Variants in ADAMTSL3 observed in about 807,000 individuals in gnomAD.
The protein encoded by ADAMTSL3 is ADAMTS like 3, also known as ADAMTS-like protein 3.
In ADAMTSL3, 128 loss-of-function variants were observed where a neutral mutation model predicts 201.7. The observed-to-expected ratio is 0.63, with a 90% confidence interval of 0.55 to 0.73. The LOEUF (loss-of-function observed/expected upper bound fraction) is 0.73. Among genes scored for constraint, ADAMTSL3 ranks in the 30% least tolerant of loss-of-function variants. The pLI is 0.00. For missense variants in ADAMTSL3, 1,990 were observed against 2,119.6 expected, an observed-to-expected ratio of 0.94 and a Z score of 1.20; for synonymous variants, 738 against 748.4, an observed-to-expected ratio of 0.99 and a Z score of 0.23.
chr15:83,827,108 C>T (rs183934046), intron 6 of ADAMTSL3, among the ~76,000 whole-genome samples: 2 of 152,312 alleles, frequency 1.3e-5, no homozygotes, highest in African/African-American at 2.4e-5. Context: ...AATGGTTGAA[C>T]CAGTTTACAG....
chr15:84,019,442 T>C (rs1470745228), intron 25 of ADAMTSL3, among the ~76,000 whole-genome samples: 1 of 152,160 alleles, frequency 6.6e-6, no homozygotes, highest in Non-Finnish European at 1.5e-5. Context: ...TGTTCATGAA[T>C]GTTCAACTTA....
At chr15:83,755,390 C>T (rs928011820) in intron 3 of ADAMTSL3, among the ~76,000 whole-genome samples, 2 of 152,110 alleles carry the variant, frequency 1.3e-5, no homozygotes, top group East Asian at 3.9e-4. Flanking sequence ...AAAACTGAAC[C>T]TACTGTACCC....
At chr15:83,865,375 A>G (rs1427156345) in intron 8 of ADAMTSL3, among the ~76,000 whole-genome samples, 1 of 152,216 alleles carries the variant, frequency 6.6e-6, no homozygotes, top group Non-Finnish European at 1.5e-5. Flanking sequence ...CTACAAGGCT[A>G]CAGTAACCAA....
intron 4 of ADAMTSL3, among the ~76,000 whole-genome samples, chr15:83,773,969 C>CTTGGG (rs1173686394): frequency 6.6e-6 from 1 of 152,162 alleles, no homozygotes; most frequent in East Asian, 1.9e-4. Flanking sequence ...GAGTTCTGCC[C>CTTGGG]TTGGGTTGCT....
At chr15:83,980,020 G>A (rs2067357215) in intron 20 of ADAMTSL3, among the ~76,000 whole-genome samples, 1 of 152,184 alleles carries the variant, frequency 6.6e-6, no homozygotes, top group South Asian at 2.1e-4. Context: ...ATGGGACCCA[G>A]GATACTGAGA....
chr15:83,674,155 G>A (rs1180492867), intron 2 of ADAMTSL3, among the ~76,000 whole-genome samples: 2 of 149,422 alleles, frequency 1.3e-5, no homozygotes, highest in African/African-American at 2.5e-5. Flanking sequence ...GGCTAAGAAT[G>A]CTTTGCCTAC....
chr15:83,986,948 T>C (rs1389007899), intron 21 of ADAMTSL3, among the ~76,000 whole-genome samples: 2 of 152,232 alleles, frequency 1.3e-5, no homozygotes. Flanking sequence ...CCAGGCTAGG[T>C]ACCCAGTGGC....
chr15:83,847,710 G>T (rs1224367397), intron 7 of ADAMTSL3, among the ~76,000 whole-genome samples: 2 of 151,984 alleles, frequency 1.3e-5, no homozygotes, highest in Non-Finnish European at 2.9e-5. Context: ...GGTCAGGCTG[G>T]TCTTGAACTC....
intron 3 of ADAMTSL3, among the ~76,000 whole-genome samples, chr15:83,751,683 A>G (rs558077821): frequency 2.0e-5 from 3 of 152,310 alleles, no homozygotes; most frequent in Non-Finnish European, 4.4e-5. Flanking sequence ...TAACCCTTTG[A>G]TGCAGCATCT....
At chr15:83,693,245 G>A (rs1333523416) in intron 2 of ADAMTSL3, among the ~76,000 whole-genome samples, 1 of 152,216 alleles carries the variant, frequency 6.6e-6, no homozygotes, top group East Asian at 1.9e-4. Flanking sequence ...CGGTTGCACT[G>A]GTGTTATAAG....
intron 15 of ADAMTSL3, among the ~76,000 whole-genome samples, chr15:83,909,452 T>C (rs1016510317): frequency 6.6e-6 from 1 of 152,216 alleles, no homozygotes; most frequent in African/African-American, 2.4e-5. Context: ...GTTTCATGCG[T>C]TGGAATCTCT....
chr15:83,840,913 CTCTT>C (rs1255172558), intron 7 of ADAMTSL3, among the ~76,000 whole-genome samples: 1 of 152,222 alleles, frequency 6.6e-6, no homozygotes, highest in Non-Finnish European at 1.5e-5. Context: ...GCACCTTTCT[CTCTT>C]CTTCACATCC....
chr15:83,752,589 T>G, intron 3 of ADAMTSL3, among the ~76,000 whole-genome samples: 1 of 152,210 alleles, frequency 6.6e-6, no homozygotes, highest in East Asian at 1.9e-4. Context: ...TACTTATATC[T>G]TTCTAATGTC....
At chr15:83,852,012 T>G (rs950361401) in intron 7 of ADAMTSL3, among the ~76,000 whole-genome samples, 1 of 152,194 alleles carries the variant, frequency 6.6e-6, no homozygotes, top group Non-Finnish European at 1.5e-5. Flanking sequence ...CAAACATGTA[T>G]GCTTTTGAGA....
At chr15:83,865,264 T>C (rs1370688380) in intron 8 of ADAMTSL3, among the ~76,000 whole-genome samples, 1 of 152,152 alleles carries the variant, frequency 6.6e-6, no homozygotes, top group Non-Finnish European at 1.5e-5. Flanking sequence ...AAAAAACTAC[T>C]TTAAAGTTCA....
At chr15:83,980,292 C>T (rs2067363056) in intron 20 of ADAMTSL3, among the ~76,000 whole-genome samples, 1 of 152,144 alleles carries the variant, frequency 6.6e-6, no homozygotes. Context: ...CACTTCGTAC[C>T]ATAGTAGGCC....
At chr15:83,997,980 A>T (rs1352147188) in intron 23 of ADAMTSL3, among the ~76,000 whole-genome samples, 1 of 152,112 alleles carries the variant, frequency 6.6e-6, no homozygotes, top group African/African-American at 2.4e-5. Context: ...CAGGACTTAG[A>T]ACTGAGTGCC....
intron 19 of ADAMTSL3, among the ~76,000 whole-genome samples, chr15:83,970,092 T>G (rs1453083437): frequency 6.6e-6 from 1 of 151,956 alleles, no homozygotes; most frequent in Non-Finnish European, 1.5e-5. Flanking sequence ...ATTAAAAGGG[T>G]CAAATTTTAA....
chr15:83,657,621 A>G (rs2061106637), intron 2 of ADAMTSL3, among the ~76,000 whole-genome samples: 1 of 152,228 alleles, frequency 6.6e-6, no homozygotes, highest in South Asian at 2.1e-4. Context: ...AAACCAAACA[A>G]TGTCTGGCAC....
Sources: gnomAD v4.1 joint callset for allele counts (sites outside exome capture counted in the v4.1 genomes callset) on GRCh38, gnomAD v4.1.1 for gene constraint, MANE v1.5 for transcripts, NCBI Gene and HGNC (gene_info 2026-07-23, HGNC 2026-07-21) for gene names.